The following CHD3 variants were observed in gnomAD, a reference collection of about 807,000 sequenced individuals.
CHD3 encodes the protein ATP-dependent chromatin remodeler CHD3.
CHD3 carries 52 observed loss-of-function variants against 248.9 expected under a neutral mutation model. The ratio of observed to expected loss-of-function variants is 0.21; its 90% CI spans 0.17 to 0.26. The LOEUF is 0.26. CHD3 is among the 10% of genes least tolerant of loss of function. The probability of loss-of-function intolerance (pLI) is 1.00; values close to 1 mark genes in which losing one functional copy is unlikely to be tolerated. For synonymous variants in CHD3, 985 were observed against 985.2 expected, an observed-to-expected ratio of 1.00 and a Z score of 0.00; for missense variants, 1,482 against 2,605.8, an observed-to-expected ratio of 0.57 and a Z score of 9.39.
At position 7,898,070 on chromosome 17, in the gene CHD3, C is replaced by T. The variant is rs138276799; in HGVS notation, c.2019C>T (p.Tyr673=). ...AAGATGAAATGAATATCCCTGAATA[C>T]GAAGAACATAAGCAAAGCTACTGGA... ...WEEDEMNIPE[Y]EEHKQSYWRH... The change falls in exon 12 of 40, where the codon TAC becomes TAT. Residue 673 remains tyrosine (Y), a synonymous_variant. Coordinates refer to ENST00000330494, the MANE Select transcript of CHD3 (RefSeq NM_001005273.3). The T allele has an allele frequency of 1.9e-4, 302 of 1,613,996 alleles. 1 individual carries two copies. In the African/African-American group the frequency reaches 2.2e-3, roughly 12 times the overall value.
chr17:7,888,579 C>T (rs1407516184), upstream of CHD3, among the ~76,000 whole-genome samples: 2 of 152,176 alleles, frequency 1.3e-5, no homozygotes, highest in Non-Finnish European at 2.9e-5. Flanking sequence ...CCCAAGCCTT[C>T]ACAGAGTGAC....
rs1163328385 is a variant in CHD3, at chr17:7,906,898, T to C, written c.4533T>C (p.Arg1511=). 1.9e-6 allele frequency: 3 copies of C among 1,613,962 alleles called. No homozygotes were observed. Among genetic ancestry groups the C allele is most frequent in the Admixed American group, 1.7e-5 (1 of 60,004 alleles). ...KVQEFEHING[R]WSMPELMPDP... The stretch of plus-strand genomic sequence containing the variant: ...AGGAGTTTGAGCACATCAATGGGCG[T>C]TGGTCAATGCCGGAACTGATGCCTG... Residue 1511 remains arginine (R), a synonymous_variant, in exon 30 of 40, where the codon CGT becomes CGC. Coordinates refer to ENST00000330494, the MANE Select transcript of CHD3 (RefSeq NM_001005273.3). The surrounding 1 kb of genome is among the most constrained non-coding windows in gnomAD (Gnocchi z 5.0).
At chr17:7,901,214 C>A in intron 19 of CHD3, 30 bp from the exon 20 acceptor site, 1 of 1,572,404 alleles carries the variant, frequency 6.4e-7, no homozygotes, top group East Asian at 2.3e-5. Context: ...CCAACTGACC[C>A]CCTCCTCCTC....
Position 7,901,239 on chromosome 17 carries a change from T to A in CHD3, c.3121-5T>A. 6.3e-7 allele frequency: 1 copy of A among 1,596,180 alleles called. No homozygotes were observed. Among genetic ancestry groups the A allele is most frequent in the Non-Finnish European group, 8.5e-7 (1 of 1,169,596 alleles). On this transcript the variant is annotated splice_polypyrimidine_tract_variant and splice_region_variant and intron_variant, in intron 19 of 39. Transcript: ENST00000330494. ...CCCTCCTCCTCCTCTCTCCTCCCTTTTCAGGAGTCCCCCAAACTCCCCAGT... is the reference window on the plus strand; with the variant it reads ...CCCTCCTCCTCCTCTCTCCTCCCTTATCAGGAGTCCCCCAAACTCCCCAGT...
rs931543 is a variant in CHD3, at chr17:7,889,008, C to T, written c.8C>T (p.Ala3Val). 0.035 allele frequency: 57,168 copies of T among 1,614,054 alleles called. 2,564 individuals are homozygous for T. The highest frequency in any genetic ancestry group is 0.21 in the African/African-American group (15,679 of 74,972). Residue 3 changes from alanine (A) to valine (V), a missense_variant, in exon 1 of 40, where the codon GCG (alanine) becomes GTG (valine). Ala to Val is a moderately conservative substitution (Grantham distance 64). This residue lies in a region of CHD3 where 169 missense variants were observed against 168.1 expected (regional missense o/e 1.01). Coordinates refer to ENST00000330494, the MANE Select transcript of CHD3 (RefSeq NM_001005273.3). This position sits in a 1 kb window ranked among gnomAD's most constrained non-coding sequence, Gnocchi z 4.5. MKAADTVILWARS... is the reference protein window; with the variant it reads MKVADTVILWARS... ...GAGACTTTCTCCTGTGTGATGAAGG[C>T]GGCAGACACTGTGATCCTGTGGGCA...
chr17:7,904,353 G>A lies in CHD3; in HGVS notation c.3895-89G>A. On this transcript the variant is annotated intron_variant, in intron 24 of 39. Coordinates refer to ENST00000330494, the MANE Select transcript of CHD3 (RefSeq NM_001005273.3). This position sits in a 1 kb window ranked among gnomAD's most constrained non-coding sequence, Gnocchi z 4.4. ...TGCAGGAGTGGGGAGACCGGATTGG[G>A]CTGACGCAGCAGAGTAGGGATTTCC... 2 of 1,279,456 alleles carry A rather than the reference G, an allele frequency of 1.6e-6. No homozygotes were observed. Among genetic ancestry groups the A allele is most frequent in the Non-Finnish European group, 2.2e-6 (2 of 904,784 alleles). The allele number at this position is 1,279,456 out of a possible 1,614,324, so 79.3% of individuals were successfully genotyped here.
Position 7,908,583 on chromosome 17 carries a change from C to A in CHD3, c.5261+73C>A. 1 of 1,582,462 alleles carries A rather than the reference C, an allele frequency of 6.3e-7. No homozygotes were observed. The highest frequency in any genetic ancestry group is 8.7e-7 in the Non-Finnish European group (1 of 1,153,188). On this transcript the variant is annotated intron_variant, in intron 35 of 39. Coordinates refer to ENST00000330494, the MANE Select transcript of CHD3 (RefSeq NM_001005273.3). The surrounding 1 kb of genome is among the most constrained non-coding windows in gnomAD (Gnocchi z 5.8). ...CAAAAAAAAAAAAGATGATTTCACA[C>A]CCAGGGACAGGGCTAGTGCCACACT...
upstream of CHD3, chr17:7,885,025 C>CCCG (rs759738955): frequency 8.7e-3 from 10,143 of 1,161,150 alleles, 49 homozygotes; most frequent in Middle Eastern, 0.016. Flanking sequence ...GCCACCTCTT[C>CCCG]CCGCCGCCGC....
In CHD3 at chr17:7,910,824, C is replaced by G. The variant is rs545087696; in HGVS notation, c.5755-23C>G. On this transcript the variant is annotated intron_variant, in intron 38 of 39. Transcript: ENST00000330494. This position sits in a 1 kb window ranked among gnomAD's most constrained non-coding sequence, Gnocchi z 4.7. ...CTCACAGACTATGAACTAACTCCAACTTCTGCTTCCTCTCTGTTCCAGGCC... is the reference window on the plus strand; with the variant it reads ...CTCACAGACTATGAACTAACTCCAAGTTCTGCTTCCTCTCTGTTCCAGGCC... The G allele has an allele frequency of 1.9e-6, 3 of 1,584,198 alleles. No homozygotes were observed. Among genetic ancestry groups the G allele is most frequent in the Admixed American group, 2.0e-5 (1 of 50,550 alleles).
In CHD3 at chr17:7,911,395, AC is replaced by A; in HGVS notation, c.5882-67del. 1 of 1,611,782 alleles carries A rather than the reference AC, an allele frequency of 6.2e-7. No homozygotes were observed. Among genetic ancestry groups the A allele is most frequent in the Non-Finnish European group, 8.5e-7 (1 of 1,178,858 alleles). On this transcript the variant is annotated intron_variant, in intron 39 of 39. Coordinates refer to ENST00000330494, the MANE Select transcript of CHD3 (RefSeq NM_001005273.3). The surrounding 1 kb of genome is among the most constrained non-coding windows in gnomAD (Gnocchi z 5.4). Reference sequence around the variant, plus strand: ...GGAGGTGACCTAGAAGTGAGAATTCACCATTGTCATGAAGTGACGTTTGAGA... The same window carrying A: ...GGAGGTGACCTAGAAGTGAGAATTCACATTGTCATGAAGTGACGTTTGAGA...
chr17:7,910,430 C>A lies in CHD3; in HGVS notation c.5593C>A (p.Leu1865Met). 6.2e-7 allele frequency: 1 copy of A among 1,614,080 alleles called. No homozygotes were observed. The highest frequency in any genetic ancestry group is 8.5e-7 in the Non-Finnish European group (1 of 1,180,010). The change falls in exon 38 of 40, where the codon CTG (leucine) becomes ATG (methionine). Residue 1865 changes from leucine to methionine, a missense_variant and splice_region_variant. Around this residue, in one of 20 missense-constraint regions of CHD3, gnomAD observed 83 missense variants for 181.0 expected, o/e 0.46. Coordinates refer to ENST00000330494, the MANE Select transcript of CHD3 (RefSeq NM_001005273.3). This position sits in a 1 kb window ranked among gnomAD's most constrained non-coding sequence, Gnocchi z 4.7. ...TTTCTCTGTGGCCCGGGCCCCAGTT[C>A]TGAACCAGCTGGAGGAGTTGCTGAG... The part of the protein sequence containing the change: ...KPANAVLHKV[L>M]NQLEELLSDM...
rs1485659537 is a variant in CHD3 at position 7,908,892 on chromosome 17, C to G, written c.5394+63C>G. On this transcript the variant is annotated intron_variant, in intron 36 of 39. Transcript: ENST00000330494. The surrounding 1 kb of genome is among the most constrained non-coding windows in gnomAD (Gnocchi z 5.8). ...GCTTGGGTCAGAAGTGAGACCAGAT[C>G]TAGTTGGAACCTAGGGAAGGTTAAC... The G allele has an allele frequency of 8.5e-5, 136 of 1,603,470 alleles. No homozygotes were observed. The highest frequency in any genetic ancestry group is 1.1e-4 in the Non-Finnish European group (134 of 1,172,422).
At chr17:7,898,642 C>A in intron 13 of CHD3, 47 bp downstream of exon 13, 1 of 1,463,308 alleles carries the variant, frequency 6.8e-7, no homozygotes, top group Admixed American at 1.8e-5. Context: ...TGATGGTGAT[C>A]GAAGATTTTC....
upstream of CHD3, among the ~76,000 whole-genome samples, chr17:7,885,946 G>A (rs1010806173): frequency 5.3e-5 from 8 of 152,308 alleles, 1 homozygote; most frequent in South Asian, 6.2e-4. Flanking sequence ...AGTGTCTGGG[G>A]AACCAGATAC....
In CHD3 at chr17:7,910,786, C is replaced by T. The variant is rs1276154438; in HGVS notation, c.5755-61C>T. 1.3e-6 allele frequency: 2 copies of T among 1,565,680 alleles called. No individual in the cohort carries two copies. The highest frequency in any genetic ancestry group is 2.3e-5 in the East Asian group (1 of 44,440). On this transcript the variant is annotated intron_variant, in intron 38 of 39. Transcript: ENST00000330494. The surrounding 1 kb of genome is among the most constrained non-coding windows in gnomAD (Gnocchi z 4.7). ...AGTGTGGCTCATAATGTCTCTCCTACAGCTTCTTTCCTCTCACAGACTATG... is the reference window on the plus strand; with the variant it reads ...AGTGTGGCTCATAATGTCTCTCCTATAGCTTCTTTCCTCTCACAGACTATG...
At chr17:7,902,583 A>C (rs1309940211) in intron 20 of CHD3, 27 bp from the exon 21 acceptor site, 9 of 1,478,018 alleles carry the variant, frequency 6.1e-6, no homozygotes, top group Non-Finnish European at 6.6e-6. Context: ...TCATTATTGC[A>C]GACTCCATCC....
In CHD3 at chr17:7,897,367, A is replaced by C. The variant is rs2151543485; in HGVS notation, c.1919+73A>C. 1 of 1,299,448 alleles carries C rather than the reference A, an allele frequency of 7.7e-7. No homozygotes were observed. Among genetic ancestry groups the C allele is most frequent in the East Asian group, 2.3e-5 (1 of 43,186 alleles). 80.5% of individuals were successfully genotyped at this position (1,299,448 alleles called of 1,614,324 possible). ...CTTACCATGGTGATGGCCCCATGTT[A>C]GTATTTGCTGATTAACCAGGTAATT... On this transcript the variant is annotated intron_variant, in intron 11 of 39. Transcript: ENST00000330494. This position sits in a 1 kb window ranked among gnomAD's most constrained non-coding sequence, Gnocchi z 4.8.
chr17:7,893,208 AT>A, intron 4 of CHD3, 77 bp from the exon 5 acceptor site: 2 of 1,477,338 alleles, frequency 1.4e-6, no homozygotes, highest in South Asian at 2.8e-5. Context: ...ATGTACATAG[AT>A]TTAATTGATG....
At position 7,905,269 on chromosome 17, in the gene CHD3, G is replaced by T; in HGVS notation, c.4138+104G>T. 3.7e-6 allele frequency: 4 copies of T among 1,077,780 alleles called. No individual in the cohort carries two copies. Among genetic ancestry groups the T allele is most frequent in the Non-Finnish European group, 4.3e-6 (3 of 703,084 alleles). 66.8% of individuals were successfully genotyped at this position (1,077,780 alleles called of 1,614,324 possible). A position where few individuals can be genotyped will look rare whatever the true frequency, so the allele number is the denominator to read the frequency against. ...CAAGTAAAAAAGTCTTCGTGTGTGT[G>T]TGGAAAAACTCGATTGCAGATGAGC... On this transcript the variant is annotated intron_variant, in intron 26 of 39. Transcript: ENST00000330494. The surrounding 1 kb of genome is among the most constrained non-coding windows in gnomAD (Gnocchi z 5.8).
Sources: gnomAD v4.1 joint callset for allele counts (sites outside exome capture counted in the v4.1 genomes callset) on GRCh38, gnomAD v4.1.1 for gene constraint, gnomAD v4.1.1 regional missense constraint, Gnocchi (gnomAD v3.1) non-coding constraint, MANE v1.5 for transcripts, NCBI Gene and HGNC (gene_info 2026-07-23, HGNC 2026-07-21) for gene names.